The following SDCCAG8 variants were observed in gnomAD, a reference collection of about 807,000 sequenced individuals.
The protein encoded by SDCCAG8 is SHH signaling and ciliogenesis regulator SDCCAG8, also known as serologically defined colon cancer antigen 8.
Under a neutral mutation model 101.8 loss-of-function variants are expected in SDCCAG8, and 74 were observed. The ratio of observed to expected loss-of-function variants is 0.73; its 90% CI spans 0.60 to 0.88. SDCCAG8 has a LOEUF of 0.88. Ranked by LOEUF, SDCCAG8 falls within the 40% of genes least tolerant of loss-of-function variation. SDCCAG8 has a pLI of 0.00. For synonymous variants in SDCCAG8, 281 were observed against 292.9 expected (o/e 0.96, Z 0.41); for missense variants, 787 against 822.6 (o/e 0.96, Z 0.53).
At position 243,499,825 on chromosome 1, in the gene SDCCAG8, A is replaced by ATATT. The variant is rs1473271068; in HGVS notation, c.*43_*46dup. ...AGTGAAATAAATGATTTACAAAGAG[A>ATATT]TATTTACATTCATCTGGTTTAGACT... On this transcript the variant is annotated 3_prime_UTR_variant, in exon 18 of 18. Transcript: ENST00000366541. 1 of 1,594,732 alleles carries ATATT rather than the reference A, an allele frequency of 6.3e-7. No homozygotes were observed. The highest frequency in any genetic ancestry group is 1.3e-5 in the African/African-American group (1 of 74,532).
At chr1:243,436,503 CT>C (rs1383581897) in intron 16 of SDCCAG8, among the ~76,000 whole-genome samples, 1 of 152,066 alleles carries the variant, frequency 6.6e-6, no homozygotes, top group Non-Finnish European at 1.5e-5. Flanking sequence ...TATTTTTGCT[CT>C]ATTCTACTAC....
intron 15 of SDCCAG8, among the ~76,000 whole-genome samples, chr1:243,421,862 T>C (rs1005737263): frequency 2.0e-5 from 3 of 152,200 alleles, no homozygotes; most frequent in Admixed American, 2.0e-4. Flanking sequence ...CGGAGCTATT[T>C]AAATATCTTC....
intron 16 of SDCCAG8, among the ~76,000 whole-genome samples, chr1:243,446,973 C>T (rs187659976): frequency 3.9e-5 from 6 of 152,194 alleles, no homozygotes; most frequent in East Asian, 1.9e-4. Flanking sequence ...CATGCTTGGC[C>T]GGGCACGGTG....
At chr1:243,295,276 C>T (rs185099417) in intron 6 of SDCCAG8, among the ~76,000 whole-genome samples, 8 of 152,226 alleles carry the variant, frequency 5.3e-5, no homozygotes, top group South Asian at 2.1e-4. Context: ...CTTGCTCTGT[C>T]GCCCAGGCAG....
chr1:243,451,719 T>C (rs1433908247), intron 16 of SDCCAG8, among the ~76,000 whole-genome samples: 1 of 152,056 alleles, frequency 6.6e-6, no homozygotes, highest in Non-Finnish European at 1.5e-5. Flanking sequence ...AGCTCACAAG[T>C]TCGAGATCAG....
chr1:243,407,870 T>A (rs535586663), intron 13 of SDCCAG8, among the ~76,000 whole-genome samples: 4 of 152,282 alleles, frequency 2.6e-5, no homozygotes, highest in Non-Finnish European at 4.4e-5. Flanking sequence ...CTTAAGGAAG[T>A]AGAGATTCCA....
intron 15 of SDCCAG8, among the ~76,000 whole-genome samples, chr1:243,419,271 C>G: frequency 6.6e-6 from 1 of 151,854 alleles, no homozygotes; most frequent in East Asian, 1.9e-4. Context: ...TGCCAAAATA[C>G]CAGATATTTC....
At chr1:243,387,243 C>G (rs144063860) in intron 13 of SDCCAG8, among the ~76,000 whole-genome samples, 3 of 152,254 alleles carry the variant, frequency 2.0e-5, no homozygotes, top group African/African-American at 7.2e-5. Flanking sequence ...ATACCTTTTG[C>G]CCATGTACTG....
chr1:243,381,316 G>A (rs763471105), intron 13 of SDCCAG8, among the ~76,000 whole-genome samples: 6 of 152,030 alleles, frequency 3.9e-5, no homozygotes, highest in Non-Finnish European at 4.4e-5. Flanking sequence ...GAGGCCAGGC[G>A]CAGTGCTCAC....
chr1:243,411,719 C>T (rs1052850173), intron 13 of SDCCAG8, among the ~76,000 whole-genome samples: 2 of 152,110 alleles, frequency 1.3e-5, no homozygotes, highest in Admixed American at 6.6e-5. Context: ...TTTTAAACTA[C>T]GTGTACTGCT....
intron 13 of SDCCAG8, among the ~76,000 whole-genome samples, chr1:243,386,468 A>C (rs1047573629): frequency 1.3e-5 from 2 of 152,096 alleles, no homozygotes; most frequent in Admixed American, 1.3e-4. Context: ...TTGGGAGGCT[A>C]AGGCAGGCAG....
chr1:243,450,515 T>G (rs912296058), intron 16 of SDCCAG8, among the ~76,000 whole-genome samples: 2 of 152,254 alleles, frequency 1.3e-5, no homozygotes, highest in Non-Finnish European at 2.9e-5. Context: ...AATCAATCAC[T>G]GACTTCCAGG....
At chr1:243,268,014 C>T (rs1307832364) in intron 1 of SDCCAG8, 1 of 779,024 alleles carries the variant, frequency 1.3e-6, no homozygotes, top group Non-Finnish European at 2.4e-6. Context: ...TCCTTCTTTT[C>T]TTTCTCTTTA....
At chr1:243,377,711 T>A (rs1374527300) in intron 12 of SDCCAG8, among the ~76,000 whole-genome samples, 2 of 151,986 alleles carry the variant, frequency 1.3e-5, no homozygotes, top group African/African-American at 2.4e-5. Context: ...TTTATTTAAA[T>A]ACTAAATTTA....
At chr1:243,472,701 A>G (rs1389115557) in intron 16 of SDCCAG8, among the ~76,000 whole-genome samples, 1 of 152,242 alleles carries the variant, frequency 6.6e-6, no homozygotes, top group Non-Finnish European at 1.5e-5. Flanking sequence ...GGCTTCCTCA[A>G]AAAAAGAAAT....
At chr1:243,393,498 T>G (rs541724574) in intron 13 of SDCCAG8, among the ~76,000 whole-genome samples, 2 of 145,180 alleles carry the variant, frequency 1.4e-5, no homozygotes, top group South Asian at 4.3e-4. Flanking sequence ...ACTGAAACTT[T>G]GTTCAAAAAG....
Position 243,435,205 on chromosome 1 carries a change from G to A in SDCCAG8, c.1985+8647G>A, listed in dbSNP as rs558053963. The stretch of plus-strand genomic sequence containing the variant: ...AGTAGAGAGATAGTATGCATCGTAC[G>A]TAACAGCATCCTTCCTAAAACCAAG... On this transcript the variant is annotated intron_variant, in intron 16 of 17. Transcript: ENST00000366541. 4.6e-5 allele frequency among the ~76,000 whole-genome samples: 7 copies of A among 152,254 alleles called. No homozygotes were observed. In the East Asian group the frequency reaches 9.6e-4, roughly 21 times the overall value.
intron 10 of SDCCAG8, among the ~76,000 whole-genome samples, chr1:243,333,061 G>A (rs1050802163): frequency 6.6e-5 from 10 of 152,188 alleles, no homozygotes; most frequent in African/African-American, 2.2e-4. Context: ...AATGGAAGCC[G>A]TTGGGTGATG....
At chr1:243,467,865 T>C (rs574886303) in intron 16 of SDCCAG8, among the ~76,000 whole-genome samples, 13 of 152,196 alleles carry the variant, frequency 8.5e-5, no homozygotes, top group Non-Finnish European at 1.9e-4. Flanking sequence ...TTCATACACA[T>C]GTATGAGTGT....
Sources: gnomAD v4.1 joint callset for allele counts (sites outside exome capture counted in the v4.1 genomes callset) on GRCh38, gnomAD v4.1.1 for gene constraint, MANE v1.5 for transcripts, NCBI Gene and HGNC (gene_info 2026-07-23, HGNC 2026-07-21) for gene names.